The following AARS1 variants were observed in gnomAD, a reference collection of about 807,000 sequenced individuals.
AARS1 encodes the protein alanine--tRNA ligase, cytoplasmic.
A neutral mutation model predicts 108.9 loss-of-function variants in AARS1; 72 were observed. The ratio of observed to expected loss-of-function variants is 0.66; its 90% CI spans 0.55 to 0.80. The LOEUF (loss-of-function observed/expected upper bound fraction) is 0.80, where lower values mean the gene tolerates loss of function less well. Ranked by LOEUF, AARS1 falls within the 30% of genes least tolerant of loss-of-function variation. The pLI is 0.00. For missense variants in AARS1, 1,193 were observed against 1,233.2 expected, an observed-to-expected ratio of 0.97 and a Z score of 0.49; for synonymous variants, 489 against 465.7, an observed-to-expected ratio of 1.05 and a Z score of -0.64.
rs56394253 is a variant in AARS1, at chr16:70,269,322, G to GAAAAAAAAAAAAAAAA, written c.962+280_962+295dup. Among the ~76,000 whole-genome samples, 32 of 64,268 alleles carry GAAAAAAAAAAAAAAAA rather than the reference G, an allele frequency of 5.0e-4. 3 individuals are homozygous for GAAAAAAAAAAAAAAAA. The highest frequency in any genetic ancestry group is 2.0e-3 in the African/African-American group (30 of 15,194). 42.2% of individuals were successfully genotyped at this position (64,268 alleles called of 152,430 possible). A position where few individuals can be genotyped will look rare whatever the true frequency, so the allele number is the denominator to read the frequency against. ...GCAACAAAAGCAAAATTCTGTCTCA[G>GAAAAAAAAAAAAAAAA]AAAAAAAAAAAAAAAAAAAAAAAAA... On this transcript the variant is annotated intron_variant, in intron 7 of 20. Coordinates refer to ENST00000261772, the MANE Select transcript of AARS1 (RefSeq NM_001605.3).
intron 12 of AARS1, chr16:70,261,387 G>A (rs532454275): frequency 2.0e-4 from 76 of 379,396 alleles, no homozygotes; most frequent in Admixed American, 8.2e-4. Flanking sequence ...CCTGAGGCCA[G>A]GAGTTCGAGA....
intron 4 of AARS1, among the ~76,000 whole-genome samples, chr16:70,273,080 C>A (rs986128552): frequency 6.6e-6 from 1 of 152,072 alleles, no homozygotes; most frequent in Non-Finnish European, 1.5e-5. Flanking sequence ...TACACTTAGA[C>A]TACAGAGTCA....
At chr16:70,273,850 G>A (rs59612351) in intron 4 of AARS1, among the ~76,000 whole-genome samples, 8,833 of 134,572 alleles carry the variant, frequency 0.066, 1,030 homozygotes, top group African/African-American at 0.24. Flanking sequence ...GCGACAGAGC[G>A]GGACTCCGTC....
chr16:70,261,230 A>G, intron 12 of AARS1, 73 bp from the exon 13 acceptor site: 1 of 1,094,222 alleles, frequency 9.1e-7, no homozygotes, highest in Non-Finnish European at 1.4e-6. Flanking sequence ...TTTTCAATAT[A>G]AACTCGTGTA....
At chr16:70,275,550 C>G (rs899908849) in intron 4 of AARS1, among the ~76,000 whole-genome samples, 5 of 151,962 alleles carry the variant, frequency 3.3e-5, no homozygotes, top group Non-Finnish European at 7.4e-5. Flanking sequence ...ATCACGAGGT[C>G]AGGAGATCGA....
At chr16:70,284,339 A>C (rs1189445068) in intron 1 of AARS1, among the ~76,000 whole-genome samples, 4 of 149,146 alleles carry the variant, frequency 2.7e-5, no homozygotes, top group African/African-American at 7.5e-5. Flanking sequence ...GCGGTGGCTC[A>C]CGCCTGTAAT....
intron 1 of AARS1, among the ~76,000 whole-genome samples, chr16:70,284,453 T>A (rs1355679556): frequency 6.7e-6 from 1 of 150,084 alleles, no homozygotes; most frequent in African/African-American, 2.5e-5. Context: ...ATACAAAAAA[T>A]AATCCGGGCA....
chr16:70,277,487 A>C (rs1255600874), intron 2 of AARS1, among the ~76,000 whole-genome samples: 2 of 152,116 alleles, frequency 1.3e-5, no homozygotes, highest in East Asian at 3.8e-4. Flanking sequence ...CAGGGCTTAT[A>C]CCATCTTTCT....
chr16:70,285,968 TA>T (rs1960828902), intron 1 of AARS1, among the ~76,000 whole-genome samples: 1 of 152,234 alleles, frequency 6.6e-6, no homozygotes, highest in African/African-American at 2.4e-5. Flanking sequence ...TTTTGCTTAC[TA>T]ATTCACCATA....
chr16:70,260,725 G>A (rs1299260553), intron 13 of AARS1, among the ~76,000 whole-genome samples: 2 of 151,804 alleles, frequency 1.3e-5, no homozygotes, highest in Admixed American at 6.6e-5. Context: ...TGCAGTGGCG[G>A]GATCTTGGCT....
At chr16:70,270,921 G>C (rs1011541566) in intron 5 of AARS1, among the ~76,000 whole-genome samples, 4 of 151,780 alleles carry the variant, frequency 2.6e-5, no homozygotes, top group South Asian at 2.1e-4. Context: ...GGCCGAGGCG[G>C]GGGAATCACT....
At position 70,252,919 on chromosome 16, in the gene AARS1, A is replaced by C. The variant is rs749268379; in HGVS notation, c.2722-13T>G. ...GATTGGCTGCATTCTAGAAGACAGG[A>C]AGGGAAGGGGGAGTCAGCACAGAAG... On this transcript the variant is annotated splice_polypyrimidine_tract_variant and intron_variant, in intron 20 of 20. Transcript: ENST00000261772. 22 of 1,613,816 alleles carry C rather than the reference A, an allele frequency of 1.4e-5. No homozygotes were observed. The highest frequency in any genetic ancestry group is 1.9e-5 in the Non-Finnish European group (22 of 1,179,908).
chr16:70,255,740 G>T lies in AARS1; in HGVS notation c.2274C>A (p.Ala758=). 1.9e-6 allele frequency: 3 copies of T among 1,614,064 alleles called. No homozygotes were observed. In the East Asian group the frequency reaches 6.7e-5, roughly 36 times the overall value. The change falls in exon 16 of 21, where the codon GCC becomes GCA. Residue 758 remains alanine, a synonymous_variant. Coordinates refer to ENST00000261772, the MANE Select transcript of AARS1 (RefSeq NM_001605.3). ...GIRRIVAVTG[A]EAQKALRKAE... is the part of the protein sequence containing the mutation. The stretch of plus-strand genomic sequence containing the variant: ...CTGACCTGCTCACCTTCTGGGCCTC[G>T]GCACCTGTGACAGCCACAATCCTCC...
chr16:70,281,812 A>C (rs1707004797), intron 2 of AARS1, among the ~76,000 whole-genome samples: 1 of 152,162 alleles, frequency 6.6e-6, no homozygotes, highest in Non-Finnish European at 1.5e-5. Context: ...GGATCATGCC[A>C]CTGCACTCCA....
intron 10 of AARS1, 123 bp from the exon 11 acceptor site, chr16:70,265,225 C>T: frequency 7.9e-7 from 1 of 1,273,520 alleles, no homozygotes; most frequent in African/African-American, 1.5e-5. Flanking sequence ...AATCCTGGCA[C>T]TACTGACATT....
intron 17 of AARS1, 142 bp from the exon 18 acceptor site, chr16:70,254,180 AG>A: frequency 8.7e-7 from 1 of 1,149,066 alleles, no homozygotes; most frequent in Non-Finnish European, 1.3e-6. Flanking sequence ...CAGTCCCTTT[AG>A]GAGCAGCTGT....
chr16:70,260,930 G>C (rs2152155624), intron 13 of AARS1, 114 bp downstream of exon 13: 1 of 800,828 alleles, frequency 1.2e-6, no homozygotes, highest in Middle Eastern at 2.3e-4. Context: ...CCAAAGTGCT[G>C]GGATTACAAG....
chr16:70,267,852 G>A (rs1470018121), intron 8 of AARS1, 43 bp from the exon 9 acceptor site: 4 of 1,613,732 alleles, frequency 2.5e-6, no homozygotes, highest in Non-Finnish European at 3.4e-6. Flanking sequence ...TGAAGCCAGA[G>A]ACTGTTCCCT....
Position 70,259,120 on chromosome 16 carries a change from C to A in AARS1, c.1852G>T (p.Val618Leu). 6.2e-7 allele frequency: 1 copy of A among 1,614,180 alleles called. No homozygotes were observed. Among genetic ancestry groups the A allele is most frequent in the Non-Finnish European group, 8.5e-7 (1 of 1,180,032 alleles). The change falls in exon 14 of 21, where the codon GTG becomes TTG. Residue 618 changes from valine (V) to leucine (L), a missense_variant. By Grantham distance (32) the Val-to-Leu change is conservative. Transcript: ENST00000261772. ...CCTTTCTGGTCAGCTTCCCCAAGCACTGAGCGCAGGGCGAAGTTCAGAATG... is the reference window on the plus strand; with the variant it reads ...CCTTTCTGGTCAGCTTCCCCAAGCAATGAGCGCAGGGCGAAGTTCAGAATG... ...THILNFALRS[V>L]LGEADQKGSL...
Sources: allele counts gnomAD v4.1 joint callset (sites outside exome capture counted in the v4.1 genomes callset), GRCh38; gene constraint gnomAD v4.1.1; transcripts MANE v1.5; gene names NCBI Gene and HGNC (gene_info 2026-07-23, HGNC 2026-07-21).